SART3: variants seen among roughly 807,000 people sequenced by gnomAD.
The protein encoded by SART3 is spliceosome associated factor 3, U4/U6 recycling protein, also known as HIV-1 Tat-interacting protein of 110kDa.
In SART3, 44 loss-of-function variants were observed where a neutral mutation model predicts 122.3. That is an observed-to-expected ratio of 0.36 (90% CI 0.28 to 0.46). The LOEUF (loss-of-function observed/expected upper bound fraction) is 0.46, where lower values mean the gene tolerates loss of function less well. SART3 is among the 20% of genes least tolerant of loss of function. SART3 has a pLI of 1.00. For synonymous variants in SART3, 442 were observed against 454.0 expected (o/e 0.97, Z 0.34); for missense variants, 1,101 against 1,229.0 (o/e 0.90, Z 1.56).
At chr12:108,525,809 G>A (rs1872346378) in intron 16 of SART3, 200 bp from the exon 17 acceptor site, 6 of 644,516 alleles carry the variant, frequency 9.3e-6, no homozygotes, top group East Asian at 5.4e-5. Flanking sequence ...TCTGTAAAAC[G>A]GCAAGAATAA....
chr12:108,554,128 G>GCTCCCC (rs2030119129), intron 1 of SART3: 1 of 39,150 alleles, frequency 2.6e-5, no homozygotes, highest in African/African-American at 7.5e-5. Flanking sequence ...TCCTCAGAGG[G>GCTCCCC]CGCCCCCGGC....
chr12:108,525,699 G>T, intron 16 of SART3, 90 bp from the exon 17 acceptor site: 1 of 1,365,698 alleles, frequency 7.3e-7, no homozygotes, highest in Non-Finnish European at 1.0e-6. Flanking sequence ...GTCCCCATGA[G>T]CAGCCCAGCC....
At chr12:108,526,678 G>A (rs953830874) in intron 15 of SART3, 125 bp from the exon 16 acceptor site, 11 of 1,020,146 alleles carry the variant, frequency 1.1e-5, no homozygotes, top group Admixed American at 3.8e-5. Flanking sequence ...CACCAGACTC[G>A]GAGGGGCAAG....
At chr12:108,545,710 G>A (rs374332416) in intron 3 of SART3, among the ~76,000 whole-genome samples, 2 of 152,210 alleles carry the variant, frequency 1.3e-5, no homozygotes, top group South Asian at 4.1e-4. Flanking sequence ...GCTCACGCCT[G>A]TAATCCCAGC....
At chr12:108,541,816 G>A (rs1336891351) in intron 6 of SART3, among the ~76,000 whole-genome samples, 1 of 152,026 alleles carries the variant, frequency 6.6e-6, no homozygotes, top group Admixed American at 6.6e-5. Context: ...GGGATTACAG[G>A]CATGAGCCAC....
At chr12:108,547,847 G>C in intron 3 of SART3, 40 bp downstream of exon 3, 1 of 1,429,526 alleles carries the variant, frequency 7.0e-7, no homozygotes, top group Non-Finnish European at 9.9e-7. Context: ...TGATATATAT[G>C]ACATTGCCAG....
Position 108,523,615 on chromosome 12 carries a change from G to C in SART3, c.2734C>G (p.Gln912Glu). 6.2e-7 allele frequency: 1 copy of C among 1,614,124 alleles called. No individual in the cohort carries two copies. The highest frequency in any genetic ancestry group is 8.5e-7 in the Non-Finnish European group (1 of 1,180,016). The change falls in exon 19 of 19, where the codon CAG (glutamine) becomes GAG (glutamate). Residue 912 changes from glutamine (Q) to glutamate (E), a missense_variant. By Grantham distance (29) the Gln-to-Glu change is conservative (BLOSUM62 2). Coordinates refer to ENST00000546815, the MANE Select transcript of SART3 (RefSeq NM_014706.4). ...TYGARGKGRT[Q>E]LSLLPRALQR... ...AGGGCACGAGGCAGTAGAGACAGCT[G>C]CGTCCTTCCCTTCCCCCTCCTAAAA... is the stretch of plus-strand genomic sequence containing the variant.
At chr12:108,527,025 T>G (rs918631796) in intron 15 of SART3, among the ~76,000 whole-genome samples, 1 of 152,236 alleles carries the variant, frequency 6.6e-6, no homozygotes, top group Non-Finnish European at 1.5e-5. Context: ...TATGGCCTTG[T>G]GTCCTTAAGA....
At position 108,523,163 on chromosome 12, in the gene SART3, T is replaced by C; in HGVS notation, c.*294A>G. ...GGACAACTGTGTCTCAAAAACAGTG[T>C]GTTCTCGTTTCGCTTCTGTGCCTCA... On this transcript the variant is annotated 3_prime_UTR_variant, in exon 19 of 19. Transcript: ENST00000546815. 1 of 506,574 alleles carries C rather than the reference T, an allele frequency of 2.0e-6. No individual in the cohort carries two copies. The highest frequency in any genetic ancestry group is 2.2e-5 in the South Asian group (1 of 46,180). The allele number at this position is 506,574 out of a possible 1,614,324, so 31.4% of individuals were successfully genotyped here.
At position 108,536,532 on chromosome 12, in the gene SART3, C is replaced by G. The variant is rs773348097; in HGVS notation, c.1428G>C (p.Gln476His). Residue 476 changes from glutamine to histidine, a missense_variant, in exon 11 of 19, where the codon CAG becomes CAC. This residue lies in a region of SART3 where 885 missense variants were observed against 1,080.1 expected (regional missense o/e 0.82). Transcript: ENST00000546815. ...CATTTACCTCAATCCTAGCCCAGTT[C>G]TGCATAATCACGCAGCTTGGATCAC... is the stretch of plus-strand genomic sequence containing the variant. ...ESGDPSCVIM[Q>H]NWARIEARLC... The G allele has an allele frequency of 6.2e-7, 1 of 1,614,150 alleles. No homozygotes were observed. The highest frequency in any genetic ancestry group is 1.3e-5 in the African/African-American group (1 of 75,054).
At chr12:108,551,444 T>A (rs1041874760) in intron 1 of SART3, among the ~76,000 whole-genome samples, 1 of 152,140 alleles carries the variant, frequency 6.6e-6, no homozygotes, top group African/African-American at 2.4e-5. Flanking sequence ...GACACTTGAA[T>A]ATGTTGAACC....
chr12:108,535,652 C>G, intron 11 of SART3, 184 bp from the exon 12 acceptor site: 1 of 648,552 alleles, frequency 1.5e-6, no homozygotes, highest in South Asian at 1.5e-5. Flanking sequence ...TTGAGCCTTT[C>G]TGCAGCCACA....
intron 6 of SART3, among the ~76,000 whole-genome samples, chr12:108,539,295 C>T (rs1413711965): frequency 6.6e-6 from 1 of 152,180 alleles, no homozygotes; most frequent in African/African-American, 2.4e-5. Context: ...TCATGGCAGT[C>T]GCTACAAAGG....
intron 6 of SART3, 22 bp downstream of exon 6, chr12:108,543,006 T>C: frequency 6.2e-7 from 1 of 1,614,186 alleles, no homozygotes; most frequent in South Asian, 1.1e-5. Context: ...AGACGTTTAC[T>C]ATAAAAGAAG....
chr12:108,558,023 G>A (rs916341399), intron 1 of SART3, among the ~76,000 whole-genome samples: 1 of 152,062 alleles, frequency 6.6e-6, no homozygotes, highest in Non-Finnish European at 1.5e-5. Context: ...TTTTTAATTA[G>A]CCAGGCATGG....
Position 108,560,953 on chromosome 12 carries a change from C to T in SART3, c.202G>A (p.Asp68Asn). Residue 68 changes from aspartate to asparagine, a missense_variant, in exon 1 of 19, where the codon GAT becomes AAT. This residue lies in a region of SART3 where 216 missense variants were observed against 148.9 expected (regional missense o/e 1.45). Coordinates refer to ENST00000546815, the MANE Select transcript of SART3 (RefSeq NM_014706.4). The part of the protein sequence containing the change: ...QEEGVSESDG[D>N]EYAMASSAES... The stretch of plus-strand genomic sequence containing the variant: ...GCGGAGGAAGCCATGGCGTACTCAT[C>T]CCCATCGCTCTCGCTCACGCCTTCC... 1 of 1,614,092 alleles carries T rather than the reference C, an allele frequency of 6.2e-7. No individual in the cohort carries two copies. The highest frequency in any genetic ancestry group is 8.5e-7 in the Non-Finnish European group (1 of 1,180,000).
chr12:108,550,013 C>CAAAA (rs10572379), intron 1 of SART3, among the ~76,000 whole-genome samples: 8 of 88,224 alleles, frequency 9.1e-5, no homozygotes, highest in Non-Finnish European at 1.3e-4. Flanking sequence ...GACCCAATCT[C>CAAAA]AAAAAAAAAA....
intron 15 of SART3, among the ~76,000 whole-genome samples, chr12:108,528,953 C>A (rs1348292636): frequency 6.6e-6 from 1 of 152,142 alleles, no homozygotes; most frequent in Non-Finnish European, 1.5e-5. Flanking sequence ...GAAACCTGAT[C>A]TCTACTAAAA....
At chr12:108,539,399 G>A (rs918221635) in intron 6 of SART3, among the ~76,000 whole-genome samples, 1 of 152,214 alleles carries the variant, frequency 6.6e-6, no homozygotes, top group Non-Finnish European at 1.5e-5. Flanking sequence ...ACCTTTGCCA[G>A]TGACCACTGT....
Sources: gnomAD v4.1 joint callset for allele counts (sites outside exome capture counted in the v4.1 genomes callset) on GRCh38, gnomAD v4.1.1 for gene constraint, gnomAD v4.1.1 regional missense constraint, MANE v1.5 for transcripts, NCBI Gene and HGNC (gene_info 2026-07-23, HGNC 2026-07-21) for gene names.